The following PIEZO2 variants were observed in gnomAD, a reference collection of about 807,000 sequenced individuals.
PIEZO2 encodes the protein piezo-type mechanosensitive ion channel component 2.
A neutral mutation model predicts 337.3 loss-of-function variants in PIEZO2; 172 were observed. The ratio of observed to expected loss-of-function variants is 0.51; its 90% CI spans 0.45 to 0.58. The LOEUF (loss-of-function observed/expected upper bound fraction) is 0.58. Among genes scored for constraint, PIEZO2 ranks in the 20% least tolerant of loss-of-function variants. The probability of loss-of-function intolerance (pLI) is 0.00; values close to 1 mark genes in which losing one functional copy is unlikely to be tolerated. For missense variants in PIEZO2, 3,028 were observed against 3,391.3 expected, an observed-to-expected ratio of 0.89 and a Z score of 2.66; for synonymous variants, 1,251 against 1,228.5, an observed-to-expected ratio of 1.02 and a Z score of -0.38.
At chr18:10,917,403 A>T (rs1045853270) in intron 3 of PIEZO2, among the ~76,000 whole-genome samples, 1 of 152,152 alleles carries the variant, frequency 6.6e-6, no homozygotes, top group Non-Finnish European at 1.5e-5. Flanking sequence ...TTTCATGAAC[A>T]TCATCACTGG....
intron 1 of PIEZO2, among the ~76,000 whole-genome samples, chr18:11,086,525 A>G (rs1240534431): frequency 1.3e-5 from 2 of 152,156 alleles, no homozygotes; most frequent in African/African-American, 4.8e-5. Context: ...TCTCAAAAAA[A>G]AAAAAAGGTT....
rs2032652457 is a variant in PIEZO2, at chr18:10,940,221, A to G, written c.287-28993T>C. On this transcript the variant is annotated intron_variant, in intron 3 of 55. Transcript: ENST00000674853. The surrounding 1 kb of genome is among the most constrained non-coding windows in gnomAD (Gnocchi z 5.3). ...AGTGAGTGTTCATTGGTGATTGCTG[A>G]TATTCAAGATGCGTGAATTAGTGAG... 6.6e-6 allele frequency among the ~76,000 whole-genome samples: 1 copy of G among 152,226 alleles called. No homozygotes were observed. Among genetic ancestry groups the G allele is most frequent in the Non-Finnish European group, 1.5e-5 (1 of 68,038 alleles).
chr18:10,786,428 T>C (rs747768111), intron 16 of PIEZO2, among the ~76,000 whole-genome samples: 2 of 152,204 alleles, frequency 1.3e-5, no homozygotes, highest in African/African-American at 2.4e-5. Flanking sequence ...TATCTTTCCC[T>C]TCTAAGGGAC....
Position 11,003,173 on chromosome 18 carries a change from G to C in PIEZO2, c.161-23513C>G, listed in dbSNP as rs191994892. On this transcript the variant is annotated intron_variant, in intron 2 of 55. Coordinates refer to ENST00000674853, the MANE Select transcript of PIEZO2 (RefSeq NM_001378183.1). This position sits in a 1 kb window ranked among gnomAD's most constrained non-coding sequence, Gnocchi z 4.6. ...GGGTGATGCAGTGAGGTTCCAGGACGTGTGTGGTATTAACTGTAGCACTAA... is the reference window on the plus strand; with the variant it reads ...GGGTGATGCAGTGAGGTTCCAGGACCTGTGTGGTATTAACTGTAGCACTAA... Among the ~76,000 whole-genome samples the C allele has an allele frequency of 6.6e-6, 1 of 152,220 alleles. No individual in the cohort carries two copies. Among genetic ancestry groups the C allele is most frequent in the African/African-American group, 2.4e-5 (1 of 41,444 alleles).
intron 14 of PIEZO2, among the ~76,000 whole-genome samples, chr18:10,789,979 T>A (rs1411900892): frequency 6.6e-6 from 1 of 152,208 alleles, no homozygotes; most frequent in Non-Finnish European, 1.5e-5. Flanking sequence ...TTGAAGAACT[T>A]GAATAATTAT....
In PIEZO2 at chr18:10,722,712, T is replaced by C. The variant is rs1277927561; in HGVS notation, c.5030-4453A>G. ...AAAAAGGGATAATCTCAAATTGCAC[T>C]GAAATTGGCACACTGGTCTAAAGTT... On this transcript the variant is annotated intron_variant, in intron 36 of 55. Coordinates refer to ENST00000674853, the MANE Select transcript of PIEZO2 (RefSeq NM_001378183.1). Among the ~76,000 whole-genome samples, 8 of 152,210 alleles carry C rather than the reference T, an allele frequency of 5.3e-5. No individual in the cohort carries two copies. In the East Asian group the frequency reaches 9.6e-4, roughly 18 times the overall value.
At chr18:11,060,867 A>G (rs1162552226) in intron 2 of PIEZO2, among the ~76,000 whole-genome samples, 2 of 84,932 alleles carry the variant, frequency 2.4e-5, no homozygotes, top group Non-Finnish European at 5.1e-5. Flanking sequence ...AAACTATTCC[A>G]ATCAATAGAA....
intron 2 of PIEZO2, among the ~76,000 whole-genome samples, chr18:11,051,088 A>T (rs1341311717): frequency 6.6e-6 from 1 of 152,138 alleles, no homozygotes; most frequent in African/African-American, 2.4e-5. Context: ...TGGGGTCATT[A>T]TCTGTCTTCT....
chr18:11,033,787 G>A lies in PIEZO2; in HGVS notation c.160+32340C>T, dbSNP rs531675279. Among the ~76,000 whole-genome samples, 1 of 152,026 alleles carries A rather than the reference G, an allele frequency of 6.6e-6. No individual in the cohort carries two copies. The highest frequency in any genetic ancestry group is 1.5e-5 in the Non-Finnish European group (1 of 68,020). On this transcript the variant is annotated intron_variant, in intron 2 of 55. Transcript: ENST00000674853. The surrounding 1 kb of genome is among the most constrained non-coding windows in gnomAD (Gnocchi z 4.2). ...TTTGATTTAAAATTGGTATCCGACC[G>A]AACAAGCTTGGGATGCTCAACATAA... is the stretch of plus-strand genomic sequence containing the variant.
chr18:11,148,990 C>T lies in PIEZO2; in HGVS notation c.-402G>A, dbSNP rs989353734. Among the ~76,000 whole-genome samples, 8 of 151,620 alleles carry T rather than the reference C, an allele frequency of 5.3e-5. No homozygotes were observed. The highest frequency in any genetic ancestry group is 1.9e-4 in the African/African-American group (8 of 41,264). On this transcript the variant is annotated 5_prime_UTR_variant, in exon 1 of 56. Transcript: ENST00000674853. The surrounding 1 kb of genome is among the most constrained non-coding windows in gnomAD (Gnocchi z 5.2). ...GAGCAAAGGGGGCAAGAAGGGCGTGCTGTGCTCCCGCCTGGCTCCCGGGGC... is the reference window on the plus strand; with the variant it reads ...GAGCAAAGGGGGCAAGAAGGGCGTGTTGTGCTCCCGCCTGGCTCCCGGGGC...
chr18:11,056,581 A>T (rs1346157082), intron 2 of PIEZO2, among the ~76,000 whole-genome samples: 3 of 152,218 alleles, frequency 2.0e-5, no homozygotes, highest in Non-Finnish European at 2.9e-5. Context: ...AATAGAGAGG[A>T]TTGGTTACTG....
intron 7 of PIEZO2, among the ~76,000 whole-genome samples, chr18:10,852,815 G>C (rs935430613): frequency 6.6e-6 from 1 of 152,130 alleles, no homozygotes; most frequent in South Asian, 2.1e-4. Flanking sequence ...AGAGGTAAGT[G>C]GTCAGGCATG....
chr18:11,090,952 C>T (rs1043484465), intron 1 of PIEZO2, among the ~76,000 whole-genome samples: 2 of 150,606 alleles, frequency 1.3e-5, no homozygotes, highest in East Asian at 2.0e-4. Context: ...GGGCACATTG[C>T]TCTTTAAAAA....
At chr18:10,998,523 A>G (rs1299990152) in intron 2 of PIEZO2, among the ~76,000 whole-genome samples, 1 of 152,176 alleles carries the variant, frequency 6.6e-6, no homozygotes, top group Non-Finnish European at 1.5e-5. Context: ...ACCTTCATTT[A>G]TATAAGAAAT....
rs772384572 is a variant in PIEZO2, at chr18:10,780,363, A to G, written c.2496T>C (p.His832=). Reference sequence around the variant, plus strand: ...GATATACGCGACCATTGACTTTGGCATGGCTACGAGGTGGCAGACGGAAGC... The same window carrying G: ...GATATACGCGACCATTGACTTTGGCGTGGCTACGAGGTGGCAGACGGAAGC... The part of the protein sequence containing the change: ...PSKEDNTIYS[H]AKVNGRVYLI... The change falls in exon 18 of 56, where the codon CAT becomes CAC. Residue 832 remains histidine (H), a synonymous_variant. Coordinates refer to ENST00000674853, the MANE Select transcript of PIEZO2 (RefSeq NM_001378183.1). 4 of 702,892 alleles carry G rather than the reference A, an allele frequency of 5.7e-6. No homozygotes were observed. The highest frequency in any genetic ancestry group is 7.8e-6 in the Non-Finnish European group (3 of 384,998). 43.5% of individuals were successfully genotyped at this position (702,892 alleles called of 1,614,324 possible). A position where few individuals can be genotyped will look rare whatever the true frequency, so the allele number is the denominator to read the frequency against.
intron 18 of PIEZO2, 85 bp from the exon 19 acceptor site, chr18:10,774,123 C>T (rs975249832): frequency 4.3e-6 from 3 of 693,652 alleles, no homozygotes; most frequent in Non-Finnish European, 7.9e-6. Flanking sequence ...ACATATCATG[C>T]TACATATCAT....
rs1568050798 is a variant in PIEZO2 at position 10,782,311 on chromosome 18, A to ATATAATATATTATAATTATATATATAAT, written c.2493-1946_2493-1945insATTATATATATAATTATAATATATTATA. ...TAATTATAATTATATATAAATAATTATATAATATATTATAATTATATATAA... is the reference window on the plus strand; with the variant it reads ...TAATTATAATTATATATAAATAATTATATAATATATTATAATTATATATATAATTATAATATATTATAATTATATATAA... On this transcript the variant is annotated intron_variant, in intron 17 of 55. Transcript: ENST00000674853. Among the ~76,000 whole-genome samples the ATATAATATATTATAATTATATATATAAT allele has an allele frequency of 1.2e-3, 95 of 76,122 alleles. 12 individuals carry two copies. The highest frequency in any genetic ancestry group is 6.7e-3 in the Middle Eastern group (1 of 150). The allele number at this position is 76,122 out of a possible 152,430, so 49.9% of individuals were successfully genotyped here.
In PIEZO2 at chr18:10,903,452, G is replaced by A. The variant is rs1464934561; in HGVS notation, c.329+7734C>T. On this transcript the variant is annotated intron_variant, in intron 4 of 55. Transcript: ENST00000674853. This position sits in a 1 kb window ranked among gnomAD's most constrained non-coding sequence, Gnocchi z 4.1. ...AGAGGCCAAGGCGGGCGGATCATGA[G>A]GTCAAGAGATCGAGACCATCCTGGC... Among the ~76,000 whole-genome samples, 1 of 152,098 alleles carries A rather than the reference G, an allele frequency of 6.6e-6. No individual in the cohort carries two copies. The highest frequency in any genetic ancestry group is 2.4e-5 in the African/African-American group (1 of 41,432).
chr18:10,744,433 G>T (rs2037345256), intron 30 of PIEZO2, among the ~76,000 whole-genome samples: 1 of 152,108 alleles, frequency 6.6e-6, no homozygotes, highest in Non-Finnish European at 1.5e-5. Flanking sequence ...CCTTCCCCCT[G>T]GGAGTGAAGG....
Sources: gnomAD v4.1 joint callset for allele counts (sites outside exome capture counted in the v4.1 genomes callset) on GRCh38, gnomAD v4.1.1 for gene constraint, Gnocchi (gnomAD v3.1) non-coding constraint, MANE v1.5 for transcripts, NCBI Gene and HGNC (gene_info 2026-07-23, HGNC 2026-07-21) for gene names.